The following NEBL variants were observed in gnomAD, a reference collection of about 807,000 sequenced individuals.
The protein encoded by NEBL is LIM and SH3 protein 2.
In NEBL, 122 loss-of-function variants were observed where a neutral mutation model predicts 140.2. The ratio of observed to expected loss-of-function variants is 0.87; its 90% CI spans 0.75 to 1.01. The LOEUF (loss-of-function observed/expected upper bound fraction) is 1.01, where lower values mean the gene tolerates loss of function less well. NEBL is among the 50% of genes least tolerant of loss of function. The pLI, the probability that NEBL is intolerant of heterozygous loss-of-function variation, is 0.00. For synonymous variants in NEBL, 436 were observed against 398.9 expected (o/e 1.09, Z -1.11); for missense variants, 1,365 against 1,231.3 (o/e 1.11, Z -1.62).
intron 2 of NEBL, among the ~76,000 whole-genome samples, chr10:21,023,720 TA>T (rs1838897346): frequency 6.6e-6 from 1 of 151,600 alleles, no homozygotes; most frequent in Admixed American, 6.6e-5. Flanking sequence ...AATAAATAAA[TA>T]AAATAAAGTA....
chr10:20,919,445 T>C (rs1267266499), intron 4 of NEBL, among the ~76,000 whole-genome samples: 4 of 152,204 alleles, frequency 2.6e-5, no homozygotes, highest in Non-Finnish European at 5.9e-5. Context: ...CATGTCATGG[T>C]GACTTTTAAA....
At chr10:21,150,609 AG>A (rs2132125553) in intron 2 of NEBL, among the ~76,000 whole-genome samples, 1 of 152,362 alleles carries the variant, frequency 6.6e-6, no homozygotes, top group Non-Finnish European at 1.5e-5. Context: ...TGAAAACTTC[AG>A]AATTATTATC....
At chr10:21,225,585 C>T (rs569570202) in intron 3 of NEBL, among the ~76,000 whole-genome samples, 1 of 152,230 alleles carries the variant, frequency 6.6e-6, no homozygotes, top group Non-Finnish European at 1.5e-5. Flanking sequence ...GCTGAGCTGG[C>T]ACCCAAGCCA....
chr10:21,255,007 G>A (rs925511969), intron 1 of NEBL, among the ~76,000 whole-genome samples: 3 of 152,164 alleles, frequency 2.0e-5, no homozygotes, highest in African/African-American at 4.8e-5. Context: ...GAATGCTGAT[G>A]TAGCTGGAGT....
intron 26 of NEBL, among the ~76,000 whole-genome samples, chr10:20,797,253 C>T (rs867879829): frequency 6.6e-6 from 1 of 152,134 alleles, no homozygotes; most frequent in Admixed American, 6.5e-5. Context: ...TGTCATTATT[C>T]CACTGCAGAG....
rs932068938 is a variant in NEBL at position 20,808,757 on chromosome 10, T to C, written c.2612-98A>G. On this transcript the variant is annotated intron_variant, in intron 25 of 27. Coordinates refer to ENST00000377122, the MANE Select transcript of NEBL (RefSeq NM_006393.3). The stretch of plus-strand genomic sequence containing the variant: ...AAAGCTTAACAGAGAAGAAAAACCA[T>C]CTCTTAGTAAAGAATAACTCAAAAT... 2.3e-6 allele frequency: 3 copies of C among 1,306,342 alleles called. No homozygotes were observed. The African/African-American group carries it at 4.4e-5, about 19-fold the overall frequency. The allele number at this position is 1,306,342 out of a possible 1,614,324, so 80.9% of individuals were successfully genotyped here.
intron 13 of NEBL, among the ~76,000 whole-genome samples, chr10:20,839,458 G>A (rs1398371904): frequency 6.6e-6 from 1 of 152,026 alleles, no homozygotes; most frequent in Non-Finnish European, 1.5e-5. Flanking sequence ...AAAGCTCCAT[G>A]ATTTCCTTTT....
intron 18 of NEBL, among the ~76,000 whole-genome samples, chr10:20,825,559 C>G (rs559757767): frequency 2.6e-5 from 4 of 151,384 alleles, no homozygotes; most frequent in Non-Finnish European, 5.9e-5. Flanking sequence ...CCCAGCTACT[C>G]GGGAGGCTGA....
At chr10:20,937,813 G>T (rs902690736) in intron 4 of NEBL, among the ~76,000 whole-genome samples, 2 of 152,050 alleles carry the variant, frequency 1.3e-5, no homozygotes, top group African/African-American at 4.8e-5. Context: ...GGCTCAGAGG[G>T]TCCTACACCC....
At chr10:21,200,308 C>CTTTTTTTTTTTTTTTT (rs10671099) in intron 3 of NEBL, among the ~76,000 whole-genome samples, 1 of 81,954 alleles carries the variant, frequency 1.2e-5, no homozygotes, top group African/African-American at 5.2e-5. Flanking sequence ...TTCCAAGGGA[C>CTTTTTTTTTTTTTTTT]TTTTTTTTTT....
chr10:21,227,721 TTCTTC>T (rs1842182303), intron 3 of NEBL, among the ~76,000 whole-genome samples: 26 of 69,400 alleles, frequency 3.7e-4, no homozygotes, highest in South Asian at 1.3e-3. Flanking sequence ...TTTCTTCTTC[TTCTTC>T]TTCTTCTTCT....
chr10:20,829,334 G>A (rs1232595892), intron 16 of NEBL, among the ~76,000 whole-genome samples: 1 of 148,304 alleles, frequency 6.7e-6, no homozygotes, highest in African/African-American at 2.5e-5. Flanking sequence ...ACTATTGCAA[G>A]AACAAAAAAC....
chr10:20,858,520 T>C (rs1288424906), intron 8 of NEBL, among the ~76,000 whole-genome samples, 176 bp from the exon 9 acceptor site: 2 of 152,234 alleles, frequency 1.3e-5, no homozygotes, highest in Non-Finnish European at 1.5e-5. Context: ...TAAAAAGTTA[T>C]TTCTATATGG....
intron 3 of NEBL, among the ~76,000 whole-genome samples, chr10:21,214,803 C>A (rs1353886418): frequency 6.6e-6 from 1 of 152,154 alleles, no homozygotes; most frequent in Non-Finnish European, 1.5e-5. Context: ...CAGAATTAAT[C>A]ATTGTCAGTA....
At chr10:21,089,851 A>C (rs1274132693) in intron 2 of NEBL, among the ~76,000 whole-genome samples, 1 of 151,204 alleles carries the variant, frequency 6.6e-6, no homozygotes, top group Non-Finnish European at 1.5e-5. Flanking sequence ...GTTTTCCAAA[A>C]ACATGTCCAT....
chr10:21,239,132 A>C (rs1842401693), intron 3 of NEBL, among the ~76,000 whole-genome samples: 1 of 152,180 alleles, frequency 6.6e-6, no homozygotes, highest in Non-Finnish European at 1.5e-5. Context: ...CTGATAAGCC[A>C]AGTCTTCTAT....
At chr10:20,938,801 C>T (rs965159101) in intron 4 of NEBL, among the ~76,000 whole-genome samples, 4 of 152,142 alleles carry the variant, frequency 2.6e-5, no homozygotes, top group Non-Finnish European at 5.9e-5. Flanking sequence ...GCACGAGCCT[C>T]AGTAGCCGAT....
intron 5 of NEBL, among the ~76,000 whole-genome samples, chr10:20,878,248 T>A (rs147837364): frequency 6.4e-4 from 98 of 152,282 alleles, no homozygotes; most frequent in Non-Finnish European, 1.2e-3. Context: ...ACATCTTGGT[T>A]CACTAAAAGA....
Position 20,812,814 on chromosome 10 carries a change from G to A in NEBL, c.2473C>T (p.His825Tyr), listed in dbSNP as rs1554774990. 1 of 1,613,978 alleles carries A rather than the reference G, an allele frequency of 6.2e-7. No homozygotes were observed. The highest frequency in any genetic ancestry group is 8.5e-7 in the Non-Finnish European group (1 of 1,179,950). Residue 825 changes from histidine to tyrosine, a missense_variant, in exon 24 of 28, where the codon CAC (histidine) becomes TAC (tyrosine). By Grantham distance (83) the His-to-Tyr change is moderately conservative. Around this residue, in one of 2 missense-constraint regions of NEBL, gnomAD observed 1,323 missense variants for 1,154.8 expected, o/e 1.15. Coordinates refer to ENST00000377122, the MANE Select transcript of NEBL (RefSeq NM_006393.3). Reference sequence around the variant, plus strand: ...CTGTCCATCTCCACGATGTGAGGGTGGACCCCTTTATAGGCAGCATCGCTG... The same window carrying A: ...CTGTCCATCTCCACGATGTGAGGGTAGACCCCTTTATAGGCAGCATCGCTG... ...VVSDAAYKGVHPHIVEMDRRP... is the reference protein window; with the variant it reads ...VVSDAAYKGVYPHIVEMDRRP...
Sources: allele counts gnomAD v4.1 joint callset (sites outside exome capture counted in the v4.1 genomes callset), GRCh38; gene constraint gnomAD v4.1.1; regional missense constraint gnomAD v4.1.1; transcripts MANE v1.5; gene names NCBI Gene and HGNC (gene_info 2026-07-23, HGNC 2026-07-21).